Variants in ASIC2 observed in about 807,000 individuals in gnomAD.
The protein encoded by ASIC2 is acid-sensing ion channel 2.
Under a neutral mutation model 57.3 loss-of-function variants are expected in ASIC2, and 25 were observed. The observed-to-expected ratio is 0.44, with a 90% confidence interval of 0.32 to 0.61. The LOEUF is 0.61. Among genes scored for constraint, ASIC2 ranks in the 20% least tolerant of loss-of-function variants. The pLI, the probability that ASIC2 is intolerant of heterozygous loss-of-function variation, is 0.06. For missense variants in ASIC2, 641 were observed against 738.1 expected (o/e 0.87, Z 1.52); for synonymous variants, 319 against 307.5 (o/e 1.04, Z -0.39).
chr17:33,744,559 A>G (rs1910204933), intron 1 of ASIC2, among the ~76,000 whole-genome samples: 1 of 152,226 alleles, frequency 6.6e-6, no homozygotes, highest in Non-Finnish European at 1.5e-5. Flanking sequence ...TAAAACAAGA[A>G]ACACAAGAGC....
At chr17:34,098,613 G>A (rs1055904117) in intron 1 of ASIC2, among the ~76,000 whole-genome samples, 2 of 152,106 alleles carry the variant, frequency 1.3e-5, no homozygotes, top group African/African-American at 4.8e-5. Flanking sequence ...CAAAAGCAAA[G>A]GCTCAGACTG....
intron 1 of ASIC2, among the ~76,000 whole-genome samples, chr17:33,762,161 C>T (rs1023716405): frequency 1.3e-5 from 2 of 152,146 alleles, no homozygotes; most frequent in Admixed American, 6.5e-5. Flanking sequence ...TCCAGGCAGG[C>T]TGTGGAGGTG....
chr17:34,020,318 C>T (rs550416968), intron 1 of ASIC2, among the ~76,000 whole-genome samples: 1 of 152,298 alleles, frequency 6.6e-6, no homozygotes, highest in South Asian at 2.1e-4. Context: ...ACTCTAACTG[C>T]CTTGACATCT....
chr17:33,021,234 C>T lies in ASIC2; in HGVS notation c.1426G>A (p.Val476Ile), dbSNP rs752755240. 1 of 1,464,126 alleles carries T rather than the reference C, an allele frequency of 6.8e-7. No individual in the cohort carries two copies. The highest frequency in any genetic ancestry group is 9.2e-7 in the Non-Finnish European group (1 of 1,084,720). 90.7% of individuals were successfully genotyped at this position (1,464,126 alleles called of 1,614,324 possible). Residue 476 changes from valine to isoleucine, a missense_variant, in exon 7 of 10, where the codon GTT becomes ATT. Around this residue, in one of 3 missense-constraint regions of ASIC2, gnomAD observed 252 missense variants for 319.8 expected, o/e 0.79. Coordinates refer to ENST00000225823, the MANE Select transcript of ASIC2 (RefSeq NM_183377.2). ...ETIEQKKAYE[V>I]AALLGDIGGQ... ...ACTGACTTACCAAGTAAGGCAGCAA[C>T]TTCATACGCCTTCTTCTGTTCAATT...
chr17:33,156,507 C>G (rs1439930474), intron 1 of ASIC2, among the ~76,000 whole-genome samples: 1 of 151,994 alleles, frequency 6.6e-6, no homozygotes, highest in African/African-American at 2.4e-5. Context: ...CCTGTAATCC[C>G]AGCACTTTGG....
chr17:33,566,316 A>AT (rs1453486614), intron 1 of ASIC2, among the ~76,000 whole-genome samples: 1 of 152,016 alleles, frequency 6.6e-6, no homozygotes, highest in Non-Finnish European at 1.5e-5. Context: ...AGATCCTTTT[A>AT]TTTTTCCTAT....
At chr17:33,212,763 T>A (rs1567786192) in intron 1 of ASIC2, among the ~76,000 whole-genome samples, 2 of 152,156 alleles carry the variant, frequency 1.3e-5, no homozygotes, top group Non-Finnish European at 2.9e-5. Flanking sequence ...CTTTCCCTTA[T>A]CCTACTCCTC....
At chr17:33,238,498 A>T (rs111687995) in intron 1 of ASIC2, among the ~76,000 whole-genome samples, 10 of 152,340 alleles carry the variant, frequency 6.6e-5, no homozygotes, top group African/African-American at 2.4e-4. Flanking sequence ...GATGTCTCCC[A>T]TTTCATGCCT....
chr17:33,339,684 T>C (rs1004602614), intron 1 of ASIC2, among the ~76,000 whole-genome samples: 66 of 152,228 alleles, frequency 4.3e-4, no homozygotes, highest in African/African-American at 1.5e-3. Context: ...GGGAGTAGAA[T>C]AAGTTGTCTC....
At chr17:33,359,155 G>A (rs898101471) in intron 1 of ASIC2, among the ~76,000 whole-genome samples, 1 of 152,196 alleles carries the variant, frequency 6.6e-6, no homozygotes, top group Non-Finnish European at 1.5e-5. Context: ...CTAGGCAGGT[G>A]GAACAGGTGA....
chr17:33,863,019 T>C (rs1443624280), intron 1 of ASIC2, among the ~76,000 whole-genome samples: 2 of 152,106 alleles, frequency 1.3e-5, no homozygotes, highest in African/African-American at 2.4e-5. Context: ...CCTGCATCTT[T>C]CTCCCTGAGC....
intron 1 of ASIC2, among the ~76,000 whole-genome samples, chr17:33,819,758 T>C (rs1342602218): frequency 6.6e-6 from 1 of 152,232 alleles, no homozygotes; most frequent in Non-Finnish European, 1.5e-5. Context: ...CTGTGTGATC[T>C]TGTGCTAGTT....
intron 1 of ASIC2, among the ~76,000 whole-genome samples, chr17:33,822,358 A>G (rs1340135649): frequency 1.3e-5 from 2 of 152,102 alleles, no homozygotes; most frequent in Non-Finnish European, 2.9e-5. Context: ...CTGTGTATGT[A>G]TTTTCCGTGA....
intron 1 of ASIC2, among the ~76,000 whole-genome samples, chr17:33,517,318 G>T (rs34823060): frequency 6.6e-6 from 1 of 152,000 alleles, no homozygotes; most frequent in Non-Finnish European, 1.5e-5. Context: ...GTTTCACCAT[G>T]TTGGCCAGGC....
At chr17:33,305,758 A>G (rs999558699) in intron 1 of ASIC2, among the ~76,000 whole-genome samples, 5 of 152,376 alleles carry the variant, frequency 3.3e-5, no homozygotes, top group African/African-American at 1.2e-4. Context: ...AAATGGTTTC[A>G]TTAAAAAAAA....
At chr17:33,285,790 A>G (rs1366598329) in intron 1 of ASIC2, among the ~76,000 whole-genome samples, 1 of 152,210 alleles carries the variant, frequency 6.6e-6, no homozygotes, top group Non-Finnish European at 1.5e-5. Flanking sequence ...TCACCCATTT[A>G]TAAAATGTAG....
At chr17:33,894,340 TGC>T (rs369678863) in intron 1 of ASIC2, among the ~76,000 whole-genome samples, 53,788 of 118,954 alleles carry the variant, frequency 0.45, 10,264 homozygotes, top group East Asian at 0.6. Context: ...CGTGCGTGCG[TGC>T]GTGCGTGCGT....
At chr17:34,099,518 GAA>G (rs1273440643) in intron 1 of ASIC2, among the ~76,000 whole-genome samples, 1 of 131,984 alleles carries the variant, frequency 7.6e-6, no homozygotes, top group South Asian at 2.4e-4. Context: ...AGAAGAGAAA[GAA>G]AAAGAAAGAA....
intron 1 of ASIC2, among the ~76,000 whole-genome samples, chr17:33,708,553 C>G (rs1049367502): frequency 1.3e-5 from 2 of 152,186 alleles, no homozygotes; most frequent in Non-Finnish European, 2.9e-5. Context: ...AGCTCTGAAG[C>G]CAAGATCTCC....
Sources: allele counts gnomAD v4.1 joint callset (sites outside exome capture counted in the v4.1 genomes callset), GRCh38; gene constraint gnomAD v4.1.1; regional missense constraint gnomAD v4.1.1; transcripts MANE v1.5; gene names NCBI Gene and HGNC (gene_info 2026-07-23, HGNC 2026-07-21).